Variants in GRID2 observed in about 807,000 individuals in gnomAD.
The protein encoded by GRID2 is glutamate receptor ionotropic, delta-2.
A neutral mutation model predicts 114.8 loss-of-function variants in GRID2; 33 were observed. That is an observed-to-expected ratio of 0.29 (90% confidence interval 0.22 to 0.38). The LOEUF (loss-of-function observed/expected upper bound fraction) is 0.38. Among genes scored for constraint, GRID2 ranks in the 10% least tolerant of loss-of-function variants. GRID2 has a pLI of 1.00. For synonymous variants in GRID2, 505 were observed against 449.9 expected (o/e 1.12, Z -1.55); for missense variants, 1,184 against 1,257.7 (o/e 0.94, Z 0.89).
At chr4:93,370,130 G>T (rs1163143192) in intron 8 of GRID2, among the ~76,000 whole-genome samples, 1 of 151,924 alleles carries the variant, frequency 6.6e-6, no homozygotes, top group African/African-American at 2.4e-5. Context: ...TCTACTTGAT[G>T]TTCTGTTTTT....
chr4:93,323,092 T>C (rs1247952539), intron 8 of GRID2, among the ~76,000 whole-genome samples: 1 of 152,284 alleles, frequency 6.6e-6, no homozygotes, highest in Non-Finnish European at 1.5e-5. Context: ...TGCCATTGCT[T>C]TTGGTGTTTT....
chr4:92,571,206 A>G (rs2149192339), intron 1 of GRID2, among the ~76,000 whole-genome samples: 1 of 152,264 alleles, frequency 6.6e-6, no homozygotes, highest in South Asian at 2.1e-4. Flanking sequence ...TGAGATAATC[A>G]CATGGATTTT....
chr4:92,324,580 C>T (rs1054777943), intron 1 of GRID2, among the ~76,000 whole-genome samples: 1 of 141,670 alleles, frequency 7.1e-6, no homozygotes, highest in Non-Finnish European at 1.5e-5. Flanking sequence ...CTTTTATATA[C>T]ACATACATAC....
Position 92,397,516 on chromosome 4 carries a change from A to C in GRID2, c.88+92772A>C, listed in dbSNP as rs898934481. 2.6e-5 allele frequency among the ~76,000 whole-genome samples: 4 copies of C among 152,084 alleles called. No homozygotes were observed. The South Asian group carries it at 6.2e-4, about 24-fold the overall frequency. ...ATTGTTTACTATTGGAAAATTGAAG[A>C]TCAAGAGAAAGAAAAAAGAAATTAT... is the stretch of plus-strand genomic sequence containing the variant. On this transcript the variant is annotated intron_variant, in intron 1 of 15. Coordinates refer to ENST00000282020, the MANE Select transcript of GRID2 (RefSeq NM_001510.4).
chr4:93,653,326 G>A (rs777912296), intron 14 of GRID2, among the ~76,000 whole-genome samples: 3 of 152,116 alleles, frequency 2.0e-5, no homozygotes, highest in African/African-American at 4.8e-5. Flanking sequence ...GGCAAATTCC[G>A]TTTTTATTAG....
chr4:92,516,234 C>T (rs1201012298), intron 1 of GRID2, among the ~76,000 whole-genome samples: 1 of 151,876 alleles, frequency 6.6e-6, no homozygotes, highest in African/African-American at 2.4e-5. Context: ...TGGTAAGATG[C>T]AGTTTTGCTA....
At chr4:93,036,636 C>A (rs1425659414) in intron 2 of GRID2, among the ~76,000 whole-genome samples, 1 of 152,042 alleles carries the variant, frequency 6.6e-6, no homozygotes, top group Non-Finnish European at 1.5e-5. Context: ...CACAGCAAAG[C>A]TTTTAGATGC....
intron 9 of GRID2, among the ~76,000 whole-genome samples, chr4:93,397,094 C>T (rs1765402617): frequency 6.6e-6 from 1 of 151,956 alleles, no homozygotes; most frequent in South Asian, 2.1e-4. Flanking sequence ...GCCCTTTGTA[C>T]ATTGTTTACT....
chr4:92,377,751 A>G (rs1382662969), intron 1 of GRID2, among the ~76,000 whole-genome samples: 2 of 152,162 alleles, frequency 1.3e-5, no homozygotes, highest in Non-Finnish European at 2.9e-5. Context: ...TGGCAGGCAC[A>G]GAGAGAGCTT....
intron 1 of GRID2, among the ~76,000 whole-genome samples, chr4:92,456,023 C>T (rs189842722): frequency 2.0e-5 from 3 of 151,932 alleles, no homozygotes; most frequent in East Asian, 3.9e-4. Flanking sequence ...AGTTGGTGGA[C>T]GATATGTCAA....
chr4:92,914,474 A>G (rs1026470444), intron 2 of GRID2, among the ~76,000 whole-genome samples: 2 of 152,002 alleles, frequency 1.3e-5, no homozygotes, highest in Non-Finnish European at 2.9e-5. Flanking sequence ...ACATAGGTAA[A>G]CTTGTGTCAT....
At chr4:92,619,892 A>G (rs558948182) in intron 2 of GRID2, among the ~76,000 whole-genome samples, 49 of 149,328 alleles carry the variant, frequency 3.3e-4, no homozygotes, top group Middle Eastern at 3.4e-3. Context: ...GAAGTTACAC[A>G]TGCCTTTTTT....
At chr4:93,078,083 C>T (rs974705132) in intron 2 of GRID2, among the ~76,000 whole-genome samples, 4 of 152,148 alleles carry the variant, frequency 2.6e-5, no homozygotes, top group African/African-American at 9.7e-5. Context: ...CCACTCTCTA[C>T]CATGCTCTTT....
intron 2 of GRID2, among the ~76,000 whole-genome samples, chr4:92,739,418 T>C (rs965058328): frequency 6.6e-6 from 1 of 152,152 alleles, no homozygotes; most frequent in Non-Finnish European, 1.5e-5. Context: ...TTTAAACATA[T>C]GAGTAACATT....
intron 4 of GRID2, among the ~76,000 whole-genome samples, chr4:93,172,133 A>AC (rs1324639351): frequency 2.6e-5 from 4 of 152,164 alleles, no homozygotes; most frequent in African/African-American, 9.7e-5. Flanking sequence ...AACATATACC[A>AC]CAAGAATTGT....
At chr4:92,928,744 C>T (rs910069875) in intron 2 of GRID2, among the ~76,000 whole-genome samples, 2 of 151,606 alleles carry the variant, frequency 1.3e-5, no homozygotes, top group African/African-American at 4.8e-5. Context: ...AGTGCAAACA[C>T]TGAACAAAAC....
intron 2 of GRID2, among the ~76,000 whole-genome samples, chr4:92,933,930 A>T (rs1212488759): frequency 6.6e-6 from 1 of 151,722 alleles, no homozygotes; most frequent in East Asian, 1.9e-4. Context: ...AATTATTTAC[A>T]TTAGAAGCAG....
intron 1 of GRID2, among the ~76,000 whole-genome samples, chr4:92,586,936 TC>T (rs1348743835): frequency 6.6e-5 from 10 of 151,994 alleles, no homozygotes; most frequent in Middle Eastern, 6.8e-3. Flanking sequence ...CCTTTATTTC[TC>T]CCCCCATAAA....
At chr4:93,262,063 A>T (rs2149550944) in intron 8 of GRID2, among the ~76,000 whole-genome samples, 1 of 151,522 alleles carries the variant, frequency 6.6e-6, no homozygotes, top group South Asian at 2.1e-4. Flanking sequence ...TAAAATATGT[A>T]TATTATAAAT....
Sources: allele counts gnomAD v4.1 joint callset (sites outside exome capture counted in the v4.1 genomes callset), GRCh38; gene constraint gnomAD v4.1.1; transcripts MANE v1.5; gene names NCBI Gene and HGNC (gene_info 2026-07-23, HGNC 2026-07-21).